Variants in PLOD1 observed in about 807,000 individuals in gnomAD.
PLOD1 encodes procollagen-lysine,2-oxoglutarate 5-dioxygenase 1, also known as lysine hydroxylase.
Under a neutral mutation model 94.7 loss-of-function variants are expected in PLOD1, and 70 were observed. That is an observed-to-expected ratio of 0.74 (90% CI 0.61 to 0.90). The LOEUF is 0.90. Among genes scored for constraint, PLOD1 ranks in the 40% least tolerant of loss-of-function variants. The pLI, the probability that PLOD1 is intolerant of heterozygous loss-of-function variation, is 0.00. For synonymous variants in PLOD1, 417 were observed against 400.2 expected (o/e 1.04, Z -0.50); for missense variants, 905 against 972.7 (o/e 0.93, Z 0.93).
Position 11,958,746 on chromosome 1 carries a change from C to T in PLOD1, c.975+99C>T, listed in dbSNP as rs1358387992. 1 of 1,377,214 alleles carries T rather than the reference C, an allele frequency of 7.3e-7. No individual in the cohort carries two copies. Among genetic ancestry groups the T allele is most frequent in the African/African-American group, 1.4e-5 (1 of 70,078 alleles). 85.3% of individuals were successfully genotyped at this position (1,377,214 alleles called of 1,614,324 possible). A position where few individuals can be genotyped will look rare whatever the true frequency, so the allele number is the denominator to read the frequency against. ...CCTCTGAGGGTCTCACCGAATCTAG[C>T]TTATCTGGGCCAAATGACAATCACC... On this transcript the variant is annotated intron_variant, in intron 9 of 18. Coordinates refer to ENST00000196061, the MANE Select transcript of PLOD1 (RefSeq NM_000302.4). This position sits in a 1 kb window ranked among gnomAD's most constrained non-coding sequence, Gnocchi z 4.3.
chr1:11,962,244 A>C (rs1011653586), intron 10 of PLOD1, among the ~76,000 whole-genome samples: 3 of 128,234 alleles, frequency 2.3e-5, no homozygotes, highest in African/African-American at 9.0e-5. Context: ...CCTTCACATA[A>C]TTTTTACATC....
chr1:11,953,361 G>A (rs943179758), intron 5 of PLOD1, among the ~76,000 whole-genome samples: 2 of 151,840 alleles, frequency 1.3e-5, no homozygotes, highest in Non-Finnish European at 1.5e-5. Flanking sequence ...CGGCTGTCGG[G>A]TCTTAAAGAG....
chr1:11,959,929 TC>T (rs1164281012), intron 9 of PLOD1, among the ~76,000 whole-genome samples: 3 of 147,682 alleles, frequency 2.0e-5, no homozygotes, highest in Non-Finnish European at 3.0e-5. Flanking sequence ...TGGTTGTTTT[TC>T]CTTTTTTTTT....
At chr1:11,942,709 A>G (rs2100736632) in intron 1 of PLOD1, among the ~76,000 whole-genome samples, 1 of 152,286 alleles carries the variant, frequency 6.6e-6, no homozygotes, top group East Asian at 1.9e-4. Context: ...GCCCAGTGTC[A>G]GCGGACCAAG....
chr1:11,972,649 T>C lies in PLOD1; in HGVS notation c.1903-223T>C. 1 of 488,550 alleles carries C rather than the reference T, an allele frequency of 2.0e-6. No individual in the cohort carries two copies. Among genetic ancestry groups the C allele is most frequent in the Non-Finnish European group, 3.8e-6 (1 of 263,654 alleles). The allele number at this position is 488,550 out of a possible 1,614,324, so 30.3% of individuals were successfully genotyped here. A position where few individuals can be genotyped will look rare whatever the true frequency, so the allele number is the denominator to read the frequency against. Reference sequence around the variant, plus strand: ...TTCCTTTCTTCCTTCCCCTCTGTTCTCTTCCTTCCCTCCCTCTCTCCCCTC... The same window carrying C: ...TTCCTTTCTTCCTTCCCCTCTGTTCCCTTCCTTCCCTCCCTCTCTCCCCTC... On this transcript the variant is annotated intron_variant, in intron 17 of 18. Coordinates refer to ENST00000196061, the MANE Select transcript of PLOD1 (RefSeq NM_000302.4). This position sits in a 1 kb window ranked among gnomAD's most constrained non-coding sequence, Gnocchi z 4.6.
rs1414173931 is a variant in PLOD1, at chr1:11,958,083, C to T, written c.843+140C>T. 11 of 671,400 alleles carry T rather than the reference C, an allele frequency of 1.6e-5. No homozygotes were observed. Among genetic ancestry groups the T allele is most frequent in the African/African-American group, 1.3e-4 (7 of 55,872 alleles). The allele number at this position is 671,400 out of a possible 1,614,324, so 41.6% of individuals were successfully genotyped here. A position where few individuals can be genotyped will look rare whatever the true frequency, so the allele number is the denominator to read the frequency against. On this transcript the variant is annotated intron_variant, in intron 8 of 18. Transcript: ENST00000196061. This position sits in a 1 kb window ranked among gnomAD's most constrained non-coding sequence, Gnocchi z 4.3. ...CACCTCCCTGCCTGGGGTTCTATCC[C>T]GGTTGCCACCCAAGTGCCTCCTCCT...
chr1:11,969,311 G>T (rs532320246), intron 16 of PLOD1, among the ~76,000 whole-genome samples: 1 of 152,102 alleles, frequency 6.6e-6, no homozygotes, highest in African/African-American at 2.4e-5. Context: ...TTGTTTAACA[G>T]AAATGTGTGT....
intron 1 of PLOD1, among the ~76,000 whole-genome samples, chr1:11,940,114 C>G (rs1442949036): frequency 6.6e-6 from 1 of 152,120 alleles, no homozygotes; most frequent in East Asian, 1.9e-4. Context: ...CCTTCACCTC[C>G]TGGGCTCAAG....
chr1:11,954,880 G>A lies in PLOD1; in HGVS notation c.630G>A (p.Leu210=). ...ACCGCTGCCGTATCTTCCAGAACCT[G>A]GATGGAGCCTTGGGTGAGCAGCCCC... The part of the protein sequence containing the change: ...LDHRCRIFQN[L]DGALDEVVLK... The change falls in exon 6 of 19, where the codon CTG becomes CTA. Residue 210 remains leucine (L), a synonymous_variant. Transcript: ENST00000196061. 5.0e-6 allele frequency: 8 copies of A among 1,613,418 alleles called. No homozygotes were observed. Among genetic ancestry groups the A allele is most frequent in the Non-Finnish European group, 5.9e-6 (7 of 1,179,348 alleles).
rs987293186 is a variant in PLOD1 at position 11,965,604 on chromosome 1, G to A, written c.1584+11G>A. 1 of 1,548,868 alleles carries A rather than the reference G, an allele frequency of 6.5e-7. No individual in the cohort carries two copies. The highest frequency in any genetic ancestry group is 8.9e-7 in the Non-Finnish European group (1 of 1,120,934). On this transcript the variant is annotated intron_variant, in intron 14 of 18. Transcript: ENST00000196061. ...TTCAGCAACCCCGAGGTGAGGCCAG[G>A]GTGGGCACATAGGGGCTGGGAGCAA... is the stretch of plus-strand genomic sequence containing the variant.
chr1:11,968,234 G>T (rs1254784310), intron 16 of PLOD1, among the ~76,000 whole-genome samples: 4 of 152,012 alleles, frequency 2.6e-5, no homozygotes, highest in African/African-American at 9.7e-5. Context: ...GATTACAGGC[G>T]TGAGCCACCG....
At chr1:11,967,597 G>GTGTATATATATATA (rs1391982281) in intron 16 of PLOD1, among the ~76,000 whole-genome samples, 3 of 59,784 alleles carry the variant, frequency 5.0e-5, no homozygotes, top group Admixed American at 1.6e-4. Context: ...GTGTGTGTGT[G>GTGTATATATATATA]TATATATATA....
In PLOD1 at chr1:11,934,722, G is replaced by T; in HGVS notation, c.-58G>T. 1 of 1,508,574 alleles carries T rather than the reference G, an allele frequency of 6.6e-7. No individual in the cohort carries two copies. Among genetic ancestry groups the T allele is most frequent in the South Asian group, 1.2e-5 (1 of 80,964 alleles). The allele number at this position is 1,508,574 out of a possible 1,614,324, so 93.4% of individuals were successfully genotyped here. On this transcript the variant is annotated 5_prime_UTR_variant, in exon 1 of 19. Coordinates refer to ENST00000196061, the MANE Select transcript of PLOD1 (RefSeq NM_000302.4). The stretch of plus-strand genomic sequence containing the variant: ...GCAGCGGGACCTGCGGCCCCGTCGC[G>T]AAGTTTCCAGCCCTGCGAGCGCCGC...
chr1:11,970,184 G>C (rs1645851337), intron 16 of PLOD1, among the ~76,000 whole-genome samples: 1 of 152,088 alleles, frequency 6.6e-6, no homozygotes, highest in Non-Finnish European at 1.5e-5. Context: ...TCAGGCGGTG[G>C]AGGTTGCAGT....
rs35226154 is a variant in PLOD1, at chr1:11,967,616, A to ATATATATATATATATATATATATATAT, written c.1755+525_1755+526insTATATATATATATATATATATATATAT. On this transcript the variant is annotated intron_variant, in intron 16 of 18. Coordinates refer to ENST00000196061, the MANE Select transcript of PLOD1 (RefSeq NM_000302.4). Reference sequence around the variant, plus strand: ...GTGTGTGTATATATATATATATATAAAAAGAAATATATATAGATTTTATTT... The same window carrying ATATATATATATATATATATATATATAT: ...GTGTGTGTATATATATATATATATAATATATATATATATATATATATATATATAAAGAAATATATATAGATTTTATTT... Among the ~76,000 whole-genome samples, 552 of 74,292 alleles carry ATATATATATATATATATATATATATAT rather than the reference A, an allele frequency of 7.4e-3. 35 individuals carry two copies. The highest frequency in any genetic ancestry group is 0.015 in the South Asian group (26 of 1,696). The allele number at this position is 74,292 out of a possible 152,430, so 48.7% of individuals were successfully genotyped here.
chr1:11,963,629 CAG>C lies in PLOD1; in HGVS notation c.1197_1198del (p.Asn400GlnfsTer65). Reference protein sequence around the residue: ...EPNSLRLLIQQNKNVIAPLMT... With the variant: ...EPNSLRLLIQXNKNVIAPLMT... The stretch of plus-strand genomic sequence containing the variant: ...CAACAGCCTGCGGCTGCTGATCCAA[CAG>C]AACAAGTGAGGCTGCTCCGTCTGCA... On this transcript the variant is annotated frameshift_variant, in exon 11 of 19. Coordinates refer to ENST00000196061, the MANE Select transcript of PLOD1 (RefSeq NM_000302.4). LOFTEE classifies it high-confidence loss of function. The surrounding 1 kb of genome is among the most constrained non-coding windows in gnomAD (Gnocchi z 4.3). 1 of 1,590,614 alleles carries C rather than the reference CAG, an allele frequency of 6.3e-7. No homozygotes were observed. Among genetic ancestry groups the C allele is most frequent in the Non-Finnish European group, 8.6e-7 (1 of 1,168,166 alleles).
At position 11,960,600 on chromosome 1, in the gene PLOD1, G is replaced by GTCC. The variant is rs752755933; in HGVS notation, c.976-37_976-35dup. The GTCC allele has an allele frequency of 5.1e-6, 7 of 1,371,222 alleles. No homozygotes were observed. In the South Asian group the frequency reaches 8.1e-5, roughly 16 times the overall value. 84.9% of individuals were successfully genotyped at this position (1,371,222 alleles called of 1,614,324 possible). A position where few individuals can be genotyped will look rare whatever the true frequency, so the allele number is the denominator to read the frequency against. On this transcript the variant is annotated intron_variant, in intron 9 of 18. Coordinates refer to ENST00000196061, the MANE Select transcript of PLOD1 (RefSeq NM_000302.4). ...GCTACAGTCCCTGGGTGGAAGCTGTGTCCTCCTCCTCACCCCCGCATCCCC... is the reference window on the plus strand; with the variant it reads ...GCTACAGTCCCTGGGTGGAAGCTGTGTCCTCCTCCTCCTCACCCCCGCATCCCC...
At position 11,958,686 on chromosome 1, in the gene PLOD1, A is replaced by AGGCTTT; in HGVS notation, c.975+40_975+41insGCTTTG. Reference sequence around the variant, plus strand: ...GCTCTGTGGGGTCGTCATGTGGCTTAGATCCAGGGCCCAGCTTCACAAGGT... The same window carrying AGGCTTT: ...GCTCTGTGGGGTCGTCATGTGGCTTAGGCTTTGATCCAGGGCCCAGCTTCACAAGGT... On this transcript the variant is annotated intron_variant, in intron 9 of 18. Transcript: ENST00000196061. This position sits in a 1 kb window ranked among gnomAD's most constrained non-coding sequence, Gnocchi z 4.3. 1 of 1,613,086 alleles carries AGGCTTT rather than the reference A, an allele frequency of 6.2e-7. No homozygotes were observed. Among genetic ancestry groups the AGGCTTT allele is most frequent in the Non-Finnish European group, 8.5e-7 (1 of 1,179,650 alleles).
At position 11,949,782 on chromosome 1, in the gene PLOD1, C is replaced by G. The variant is rs1188024696; in HGVS notation, c.178C>G (p.Leu60Val). ...GGGTGTTTCTCTCCAGGCGCTTGGC[C>G]TAGGGGAGGACTGGAATGTGGAGAA... ...FFNYKIQALG[L>V]GEDWNVEKGT... Residue 60 changes from leucine (L) to valine (V), a missense_variant, in exon 3 of 19, where the codon CTA (leucine) becomes GTA (valine). Leu to Val is a conservative substitution (Grantham distance 32). Coordinates refer to ENST00000196061, the MANE Select transcript of PLOD1 (RefSeq NM_000302.4). The G allele has an allele frequency of 1.2e-6, 2 of 1,613,870 alleles. No individual in the cohort carries two copies. Among genetic ancestry groups the G allele is most frequent in the Non-Finnish European group, 1.7e-6 (2 of 1,180,000 alleles).
Sources: allele counts gnomAD v4.1 joint callset (sites outside exome capture counted in the v4.1 genomes callset), GRCh38; gene constraint gnomAD v4.1.1; non-coding constraint Gnocchi (gnomAD v3.1); transcripts MANE v1.5; gene names NCBI Gene and HGNC (gene_info 2026-07-23, HGNC 2026-07-21).